The following PCLO variants were observed in gnomAD, a reference collection of about 807,000 sequenced individuals.
PCLO encodes the protein piccolo presynaptic cytomatrix protein, also known as protein piccolo.
A neutral mutation model predicts 427.5 loss-of-function variants in PCLO; 82 were observed. That is an observed-to-expected ratio of 0.19 (90% CI 0.16 to 0.23). The LOEUF (loss-of-function observed/expected upper bound fraction) is 0.23, where lower values mean the gene tolerates loss of function less well. Among genes scored for constraint, PCLO ranks in the 10% least tolerant of loss-of-function variants. The pLI is 1.00. For missense variants in PCLO, 6,239 were observed against 6,115.9 expected, an observed-to-expected ratio of 1.02 and a Z score of -0.67; for synonymous variants, 2,357 against 2,155.4, an observed-to-expected ratio of 1.09 and a Z score of -2.59.
At chr7:82,791,499 C>CT (rs1339537643) in intron 22 of PCLO, among the ~76,000 whole-genome samples, 2 of 152,112 alleles carry the variant, frequency 1.3e-5, no homozygotes, top group Non-Finnish European at 2.9e-5. Context: ...ATAGCAAGTC[C>CT]TTTTTCAAAG....
intron 3 of PCLO, among the ~76,000 whole-genome samples, chr7:83,050,978 A>C (rs184895974): frequency 2.6e-5 from 4 of 152,180 alleles, no homozygotes; most frequent in African/African-American, 9.6e-5. Context: ...TAATATGATT[A>C]TATGAATAGA....
intron 3 of PCLO, among the ~76,000 whole-genome samples, chr7:83,046,500 A>T (rs971890242): frequency 6.6e-6 from 1 of 152,110 alleles, no homozygotes; most frequent in African/African-American, 2.4e-5. Context: ...TTCAAAAAGA[A>T]TCTGAAAGTA....
intron 6 of PCLO, among the ~76,000 whole-genome samples, chr7:82,947,045 A>G (rs1395966230): frequency 6.6e-6 from 1 of 152,172 alleles, no homozygotes; most frequent in Non-Finnish European, 1.5e-5. Context: ...TATTTACAGT[A>G]AACCCTTTTC....
rs952713588 is a variant in PCLO, at chr7:82,830,556, C to T, written c.14250-2590G>A. 2.0e-5 allele frequency among the ~76,000 whole-genome samples: 3 copies of T among 151,852 alleles called. No individual in the cohort carries two copies. In the East Asian group the frequency reaches 5.8e-4, roughly 29 times the overall value. On this transcript the variant is annotated intron_variant, in intron 16 of 24. Transcript: ENST00000333891. Reference sequence around the variant, plus strand: ...ATGGCTATTCTCATAGGTGAATATACATAGGAAACAAACACATGGTAGTAT... The same window carrying T: ...ATGGCTATTCTCATAGGTGAATATATATAGGAAACAAACACATGGTAGTAT...
At chr7:82,861,083 G>A (rs1362697313) in intron 10 of PCLO, among the ~76,000 whole-genome samples, 1 of 151,820 alleles carries the variant, frequency 6.6e-6, no homozygotes, top group Non-Finnish European at 1.5e-5. Flanking sequence ...ACAACAAAAT[G>A]GCAGGAGTAG....
intron 8 of PCLO, among the ~76,000 whole-genome samples, chr7:82,906,646 G>C (rs7785784): frequency 2.4e-4 from 36 of 152,144 alleles, no homozygotes; most frequent in African/African-American, 8.4e-4. Context: ...ATTTGGGCAA[G>C]GGAGTGGTTA....
chr7:83,057,450 C>T (rs1053155112), intron 3 of PCLO, among the ~76,000 whole-genome samples: 2 of 141,156 alleles, frequency 1.4e-5, no homozygotes, highest in East Asian at 2.2e-4. Context: ...AAAGCTCTGC[C>T]TCCTGGGTTC....
At chr7:83,135,740 A>C in intron 2 of PCLO, 84 bp from the exon 3 acceptor site, 1 of 751,784 alleles carries the variant, frequency 1.3e-6, no homozygotes. Context: ...CTGCCATTTG[A>C]AACTATGTCT....
rs1795418268 is a variant in PCLO, at chr7:82,953,551, G to A, written c.7402C>T (p.Leu2468=). 2 of 1,613,074 alleles carry A rather than the reference G, an allele frequency of 1.2e-6. No individual in the cohort carries two copies. The highest frequency in any genetic ancestry group is 1.7e-6 in the Non-Finnish European group (2 of 1,179,464). The change falls in exon 5 of 25, where the codon CTG becomes TTG. Residue 2468 remains leucine (L), a synonymous_variant. Coordinates refer to ENST00000333891, the MANE Select transcript of PCLO (RefSeq NM_033026.6). ...AVTTLETTAV[L]RSNGLPVTRI... ...GTAACAGGTAATCCATTACTTCTCA[G>A]AACAGCTGTGGTCTCTAGAGTAGTA...
Position 82,991,206 on chromosome 7 carries a change from A to C in PCLO, c.3301-24719T>G, listed in dbSNP as rs151169077. ...GCATCTTTATGTGTCTATTTATAGT[A>C]TCTATCTGTCTATCTATCTATCTAT... On this transcript the variant is annotated intron_variant, in intron 3 of 24. Coordinates refer to ENST00000333891, the MANE Select transcript of PCLO (RefSeq NM_033026.6). Among the ~76,000 whole-genome samples, 48 of 152,170 alleles carry C rather than the reference A, an allele frequency of 3.2e-4. No individual in the cohort carries two copies. The East Asian group carries it at 9.1e-3, about 29-fold the overall frequency.
chr7:83,121,216 G>A (rs1447226097), intron 3 of PCLO, among the ~76,000 whole-genome samples: 1 of 152,070 alleles, frequency 6.6e-6, no homozygotes, highest in Admixed American at 6.5e-5. Flanking sequence ...GTTAAAAACT[G>A]GGGAGGGAGT....
At chr7:82,911,107 T>C (rs1386613367) in intron 7 of PCLO, among the ~76,000 whole-genome samples, 1 of 152,134 alleles carries the variant, frequency 6.6e-6, no homozygotes, top group East Asian at 1.9e-4. Context: ...AGAAATAAAG[T>C]AGAAGTTCAA....
In PCLO at chr7:83,134,798, A is replaced by C; in HGVS notation, c.2752T>G (p.Ser918Ala). 1 of 1,613,746 alleles carries C rather than the reference A, an allele frequency of 6.2e-7. No homozygotes were observed. Among genetic ancestry groups the C allele is most frequent in the Non-Finnish European group, 8.5e-7 (1 of 1,179,838 alleles). ...GTCTCTTGAGGAGTTGTAGGCTGTG[A>C]TTTGGGGGCATCAGTAATACTTCCC... ...NLGSITDAPK[S>A]QPTTPQETVT... Residue 918 changes from serine (S) to alanine (A), a missense_variant, in exon 3 of 25, where the codon TCA (serine) becomes GCA (alanine). Physicochemically the swap from Ser to Ala is moderately conservative, Grantham distance 99. This residue lies in a region of PCLO where 4,677 missense variants were observed against 4,468.4 expected (regional missense o/e 1.05). Transcript: ENST00000333891.
intron 9 of PCLO, among the ~76,000 whole-genome samples, chr7:82,889,090 G>A (rs1373872958): frequency 6.6e-6 from 1 of 151,922 alleles, no homozygotes; most frequent in Non-Finnish European, 1.5e-5. Flanking sequence ...TCTTCCTGTA[G>A]GACCTAGGGG....
At chr7:83,035,492 A>T (rs1788771629) in intron 3 of PCLO, among the ~76,000 whole-genome samples, 1 of 152,164 alleles carries the variant, frequency 6.6e-6, no homozygotes, top group Admixed American at 6.5e-5. Flanking sequence ...CTAATAAAAA[A>T]AAGATAATTC....
At chr7:83,126,344 A>C (rs2116585120) in intron 3 of PCLO, among the ~76,000 whole-genome samples, 1 of 152,256 alleles carries the variant, frequency 6.6e-6, no homozygotes, top group Non-Finnish European at 1.5e-5. Flanking sequence ...AACTATAATT[A>C]ATTATATATT....
chr7:82,965,737 T>G, intron 4 of PCLO, 34 bp downstream of exon 4: 493 of 1,392,054 alleles, frequency 3.5e-4, no homozygotes, highest in Non-Finnish European at 4.4e-4. Flanking sequence ...ATTTCACACA[T>G]GAGAGTGTGA....
chr7:83,082,973 G>A (rs1790140450), intron 3 of PCLO, among the ~76,000 whole-genome samples: 1 of 151,730 alleles, frequency 6.6e-6, no homozygotes. Flanking sequence ...CAAAAAGATT[G>A]ATGCATTTTG....
intron 13 of PCLO, 70 bp from the exon 14 acceptor site, chr7:82,841,579 T>C: frequency 1.0e-6 from 1 of 989,294 alleles, no homozygotes; most frequent in Non-Finnish European, 1.6e-6. Context: ...TTCGGCTTCC[T>C]TCTGAAATTA....
Sources: gnomAD v4.1 joint callset for allele counts (sites outside exome capture counted in the v4.1 genomes callset) on GRCh38, gnomAD v4.1.1 for gene constraint, gnomAD v4.1.1 regional missense constraint, MANE v1.5 for transcripts, NCBI Gene and HGNC (gene_info 2026-07-23, HGNC 2026-07-21) for gene names.